The following IL1RAPL2 variants were observed in gnomAD, a reference collection of about 807,000 sequenced individuals.
IL1RAPL2 encodes X-linked interleukin-1 receptor accessory protein-like 2.
IL1RAPL2 carries 3 observed loss-of-function variants against 44.1 expected under a neutral mutation model. That is an observed-to-expected ratio of 0.07 (90% CI 0.03 to 0.18). IL1RAPL2 has a LOEUF of 0.18. IL1RAPL2 is among the 10% of genes least tolerant of loss of function. IL1RAPL2 has a pLI of 1.00. For synonymous variants in IL1RAPL2, 181 were observed against 178.8 expected, an observed-to-expected ratio of 1.01 and a Z score of -0.10; for missense variants, 391 against 496.4, an observed-to-expected ratio of 0.79 and a Z score of 2.02.
chrX:105,226,514 C>T (rs1429372905), intron 3 of IL1RAPL2, among the ~76,000 whole-genome samples: 1 of 103,675 alleles, frequency 9.6e-6, no homozygotes, highest in Non-Finnish European at 1.9e-5. Context: ...TCTCGTGCCT[C>T]AGCCTCCTAA....
At chrX:104,585,140 TACAC>T (rs1295487396) in intron 1 of IL1RAPL2, among the ~76,000 whole-genome samples, 43 of 50,851 alleles carry the variant, frequency 8.5e-4, no homozygotes, top group Admixed American at 2.1e-3. Flanking sequence ...AAGACATATA[TACAC>T]ACACACATAT....
rs777184330 is a variant in IL1RAPL2 at position 105,728,086 on chromosome X, A to G, written c.902+10590A>G. ...TTTCACTCCTAATGTTGTACCATCTATGGGTTTCAACAGATGTATGATGAC... is the reference window on the plus strand; with the variant it reads ...TTTCACTCCTAATGTTGTACCATCTGTGGGTTTCAACAGATGTATGATGAC... On this transcript the variant is annotated intron_variant, in intron 7 of 10. Transcript: ENST00000372582. 2.7e-5 allele frequency among the ~76,000 whole-genome samples: 3 copies of G among 111,541 alleles called. No homozygotes were observed. The South Asian group carries it at 1.1e-3, about 42-fold the overall frequency.
At chrX:104,775,226 A>C (rs767155385) in intron 2 of IL1RAPL2, among the ~76,000 whole-genome samples, 24 of 112,526 alleles carry the variant, frequency 2.1e-4, no homozygotes, top group Non-Finnish European at 3.6e-4. Context: ...TGTTTACTTC[A>C]GTTATCTTAC....
chrX:104,996,374 G>A (rs1432126059), intron 2 of IL1RAPL2, among the ~76,000 whole-genome samples: 3 of 111,661 alleles, frequency 2.7e-5, no homozygotes, highest in Non-Finnish European at 5.7e-5. Flanking sequence ...GAACATGCAG[G>A]GTACCATGGG....
chrX:105,289,372 C>T (rs2034595803), intron 5 of IL1RAPL2, among the ~76,000 whole-genome samples: 2 of 111,040 alleles, frequency 1.8e-5, no homozygotes, highest in African/African-American at 6.6e-5. Context: ...GTTTATTTTA[C>T]AAGGAGAACT....
chrX:105,069,528 T>C (rs1163904474), intron 2 of IL1RAPL2, among the ~76,000 whole-genome samples: 1 of 112,239 alleles, frequency 8.9e-6, no homozygotes, highest in East Asian at 2.8e-4. Context: ...GAACATTATG[T>C]TGTATGGAGC....
intron 6 of IL1RAPL2, among the ~76,000 whole-genome samples, chrX:105,634,760 A>C (rs2037512531): frequency 9.0e-6 from 1 of 111,322 alleles, no homozygotes; most frequent in South Asian, 3.7e-4. Context: ...TCATAATAGT[A>C]GTAACAACAA....
chrX:104,655,676 G>A (rs1168822340), intron 1 of IL1RAPL2, among the ~76,000 whole-genome samples: 5 of 111,680 alleles, frequency 4.5e-5, no homozygotes, highest in Non-Finnish European at 9.4e-5. Context: ...TCAGGATGAT[G>A]CTGGCCTCAT....
chrX:104,592,781 G>C (rs1029102086), intron 1 of IL1RAPL2, among the ~76,000 whole-genome samples: 2 of 111,839 alleles, frequency 1.8e-5, no homozygotes, highest in African/African-American at 6.5e-5. Context: ...AAGAAACATA[G>C]CCGGTTCCAT....
At chrX:105,668,203 T>C (rs1422567801) in intron 6 of IL1RAPL2, among the ~76,000 whole-genome samples, 4 of 111,931 alleles carry the variant, frequency 3.6e-5, no homozygotes, top group Non-Finnish European at 7.5e-5. Context: ...GTAGTGTAAA[T>C]CAATCTGTTG....
intron 2 of IL1RAPL2, among the ~76,000 whole-genome samples, chrX:105,194,609 A>G (rs781822413): frequency 9.0e-6 from 1 of 111,673 alleles, no homozygotes; most frequent in East Asian, 2.8e-4. Flanking sequence ...GTAATATAAT[A>G]TATTCCCATG....
rs777483179 is a variant in IL1RAPL2, at chrX:104,904,298, ATTC to A, written c.82+245306_82+245308del. 1.2e-3 allele frequency among the ~76,000 whole-genome samples: 131 copies of A among 109,605 alleles called. 1 individual carries two copies. The highest frequency in any genetic ancestry group is 4.0e-3 in the African/African-American group (121 of 30,187). The stretch of plus-strand genomic sequence containing the variant: ...ACATATGTAGTTTTCTTTTTAAATT[ATTC>A]TTTTTTTCTCATTATTATACTTTAA... On this transcript the variant is annotated intron_variant, in intron 2 of 10. Transcript: ENST00000372582.
At chrX:105,098,937 T>G (rs2147558957) in intron 2 of IL1RAPL2, among the ~76,000 whole-genome samples, 1 of 112,480 alleles carries the variant, frequency 8.9e-6, no homozygotes, top group South Asian at 3.7e-4. Flanking sequence ...TGAGATCGTT[T>G]AGGAGAAAGG....
At chrX:104,749,436 A>G (rs1365154602) in intron 2 of IL1RAPL2, among the ~76,000 whole-genome samples, 1 of 111,501 alleles carries the variant, frequency 9.0e-6, no homozygotes. Flanking sequence ...AAATTTGAAA[A>G]TTAATGAGAA....
chrX:105,191,334 C>A (rs1197717080), intron 2 of IL1RAPL2, among the ~76,000 whole-genome samples: 1 of 112,275 alleles, frequency 8.9e-6, no homozygotes, highest in East Asian at 2.8e-4. Flanking sequence ...TCTGTCTTGG[C>A]CTCCCAAGTA....
At chrX:104,995,557 T>C (rs2030733505) in intron 2 of IL1RAPL2, among the ~76,000 whole-genome samples, 1 of 111,935 alleles carries the variant, frequency 8.9e-6, no homozygotes, top group Admixed American at 9.6e-5. Context: ...ATCAAGAAAA[T>C]GCAAGTAAAG....
chrX:105,657,227 C>G (rs1322189733), intron 6 of IL1RAPL2, among the ~76,000 whole-genome samples: 1 of 111,958 alleles, frequency 8.9e-6, no homozygotes, highest in African/African-American at 3.2e-5. Context: ...CTATATATTC[C>G]TAGCCATCTT....
chrX:105,032,862 A>G (rs1435293521), intron 2 of IL1RAPL2, among the ~76,000 whole-genome samples: 1 of 111,076 alleles, frequency 9.0e-6, no homozygotes, highest in Non-Finnish European at 1.9e-5. Flanking sequence ...TGGGAGTCTA[A>G]GTCTCTTTGT....
At chrX:104,746,521 TTAGAA>T (rs1389182785) in intron 2 of IL1RAPL2, among the ~76,000 whole-genome samples, 8 of 111,673 alleles carry the variant, frequency 7.2e-5, no homozygotes, top group African/African-American at 3.2e-5. Flanking sequence ...TTTCTCATCT[TTAGAA>T]TAGTGATCTG....
Sources: gnomAD v4.1 joint callset for allele counts (sites outside exome capture counted in the v4.1 genomes callset) on GRCh38, gnomAD v4.1.1 for gene constraint, MANE v1.5 for transcripts, NCBI Gene and HGNC (gene_info 2026-07-23, HGNC 2026-07-21) for gene names.